The following R3HDM4 variants were observed in gnomAD, a reference collection of about 807,000 sequenced individuals.
R3HDM4 encodes R3H domain containing 4, also known as R3H domain-containing protein 4.
Under a neutral mutation model 31.3 loss-of-function variants are expected in R3HDM4, and 30 were observed. The observed-to-expected ratio is 0.96, with a 90% confidence interval of 0.72 to 1.30. R3HDM4 has a LOEUF of 1.30. Among genes scored for constraint, R3HDM4 ranks in the 50% most tolerant of loss-of-function variants. R3HDM4 has a pLI of 0.00. For missense variants in R3HDM4, 444 were observed against 366.1 expected, an observed-to-expected ratio of 1.21 and a Z score of -1.74; for synonymous variants, 196 against 156.6, an observed-to-expected ratio of 1.25 and a Z score of -1.88.
chr19:900,078 G>T lies in R3HDM4; in HGVS notation c.544C>A (p.Arg182Ser). 6.2e-7 allele frequency: 1 copy of T among 1,611,432 alleles called. No homozygotes were observed. The highest frequency in any genetic ancestry group is 8.5e-7 in the Non-Finnish European group (1 of 1,179,094). ...CCACTCACCATGGGGATGCGGCTGC[G>T]CTTGAGGACGGCTCGCAGACGCCGG... ...ISRRLRAVLKRSRIPMETLET... is the reference protein window; with the variant it reads ...ISRRLRAVLKSSRIPMETLET... The change falls in exon 5 of 8, where the codon CGC (arginine) becomes AGC (serine). Residue 182 changes from arginine (R) to serine (S), a missense_variant. By Grantham distance (110) the Arg-to-Ser change is moderately radical (BLOSUM62 -1). Coordinates refer to ENST00000361574, the MANE Select transcript of R3HDM4 (RefSeq NM_138774.4).
intron 7 of R3HDM4, among the ~76,000 whole-genome samples, chr19:898,686 C>G (rs1046560988): frequency 1.3e-5 from 2 of 152,078 alleles, no homozygotes; most frequent in Admixed American, 6.6e-5. Flanking sequence ...TGCCTGGGAC[C>G]CCCCCGTCCT....
rs772348731 is a variant in R3HDM4, at chr19:899,518, G to A, written c.648-23C>T. On this transcript the variant is annotated intron_variant, in intron 6 of 7. Coordinates refer to ENST00000361574, the MANE Select transcript of R3HDM4 (RefSeq NM_138774.4). This position sits in a 1 kb window ranked among gnomAD's most constrained non-coding sequence, Gnocchi z 6.8. ...AAGCTGTGGGGAACGGGCAGTGAGC[G>A]CCGTGCAGGGGCTGCAGCGTGGGGT... The A allele has an allele frequency of 1.1e-5, 17 of 1,613,310 alleles. No homozygotes were observed. The East Asian group carries it at 1.1e-4, about 11-fold the overall frequency.
intron 1 of R3HDM4, among the ~76,000 whole-genome samples, chr19:911,359 G>A (rs1014899965): frequency 2.6e-5 from 4 of 152,166 alleles, no homozygotes; most frequent in Non-Finnish European, 5.9e-5. Flanking sequence ...CAGGAGAATC[G>A]CTTGAACCCA....
chr19:913,102 C>A lies in R3HDM4; in HGVS notation c.56G>T (p.Gly19Val). The stretch of plus-strand genomic sequence containing the variant: ...CCGCGCTCACAGCAGCCGCCGCCCG[C>A]CCGGGGTGCCCTCCGCCGCCTCCGG... The part of the protein sequence containing the change: ...CGPEAAEGTP[G>V]GRRLLPLPSC... Residue 19 changes from glycine to valine, a missense_variant, in exon 1 of 8, where the codon GGC (glycine) becomes GTC (valine). By Grantham distance (109) the Gly-to-Val change is moderately radical. Transcript: ENST00000361574. The surrounding 1 kb of genome is among the most constrained non-coding windows in gnomAD (Gnocchi z 5.0). The A allele has an allele frequency of 9.3e-7, 1 of 1,079,174 alleles. No individual in the cohort carries two copies. 66.8% of individuals were successfully genotyped at this position (1,079,174 alleles called of 1,614,324 possible).
Position 899,554 on chromosome 19 carries a change from C to A in R3HDM4, c.647+47G>T. 1 of 1,612,398 alleles carries A rather than the reference C, an allele frequency of 6.2e-7. No individual in the cohort carries two copies. Reference sequence around the variant, plus strand: ...GCTGCAGCGTGGGGTGTCCGCCCACCTGGCCGCAGCCTCGGAGGGTCCGCT... The same window carrying A: ...GCTGCAGCGTGGGGTGTCCGCCCACATGGCCGCAGCCTCGGAGGGTCCGCT... On this transcript the variant is annotated intron_variant, in intron 6 of 7. Coordinates refer to ENST00000361574, the MANE Select transcript of R3HDM4 (RefSeq NM_138774.4). The surrounding 1 kb of genome is among the most constrained non-coding windows in gnomAD (Gnocchi z 6.8).
Position 899,354 on chromosome 19 carries a change from C to A in R3HDM4, c.703+86G>T. On this transcript the variant is annotated intron_variant, in intron 7 of 7. Transcript: ENST00000361574. The surrounding 1 kb of genome is among the most constrained non-coding windows in gnomAD (Gnocchi z 6.8). ...TTCCCCACCTCCCCACCAAGCCCCACTCTGAGGAACCAGGCCCCTGGGACC... is the reference window on the plus strand; with the variant it reads ...TTCCCCACCTCCCCACCAAGCCCCAATCTGAGGAACCAGGCCCCTGGGACC... 1 of 1,415,754 alleles carries A rather than the reference C, an allele frequency of 7.1e-7. No individual in the cohort carries two copies. The highest frequency in any genetic ancestry group is 1.0e-6 in the Non-Finnish European group (1 of 1,003,744). 87.7% of individuals were successfully genotyped at this position (1,415,754 alleles called of 1,614,324 possible). A position where few individuals can be genotyped will look rare whatever the true frequency, so the allele number is the denominator to read the frequency against.
chr19:902,040 T>C lies in R3HDM4; in HGVS notation c.162A>G (p.Ala54=), dbSNP rs1437094783. ...SRRKQHFINQ[A]VRNSDLVPKA... is the part of the protein sequence containing the mutation. Reference sequence around the variant, plus strand: ...TGGGCACGAGGTCTGAGTTCCGCACTGCCTGGTTGATGAAGTGCTGTTTCC... The same window carrying C: ...TGGGCACGAGGTCTGAGTTCCGCACCGCCTGGTTGATGAAGTGCTGTTTCC... The change falls in exon 2 of 8, where the codon GCA becomes GCG. Residue 54 remains alanine (A), a synonymous_variant. Transcript: ENST00000361574. The C allele has an allele frequency of 1.9e-6, 3 of 1,613,960 alleles. No individual in the cohort carries two copies. The highest frequency in any genetic ancestry group is 2.5e-6 in the Non-Finnish European group (3 of 1,180,012).
At chr19:898,912 G>T (rs539872034) in intron 7 of R3HDM4, among the ~76,000 whole-genome samples, 19 of 152,316 alleles carry the variant, frequency 1.2e-4, no homozygotes, top group African/African-American at 4.1e-4. Context: ...GGCAGAGACA[G>T]GTGTGAGAGG....
Position 900,917 on chromosome 19 carries a change from C to G in R3HDM4, c.387G>C (p.Glu129Asp). The G allele has an allele frequency of 6.2e-7, 1 of 1,609,348 alleles. No homozygotes were observed. Among genetic ancestry groups the G allele is most frequent in the Non-Finnish European group, 8.5e-7 (1 of 1,178,886 alleles). ...CCAGGTAGCGAAGAACCCGCTCCTG[C>G]TCCTCCCCGGAGCGGTTCATGAAAT... Reference protein sequence around the residue: ...WNDFMNRSGEEQERVLRYLED... With the variant: ...WNDFMNRSGEDQERVLRYLED... The change falls in exon 4 of 8, where the codon GAG (glutamate) becomes GAC (aspartate). Residue 129 changes from glutamate (E) to aspartate (D), a missense_variant. Transcript: ENST00000361574.
chr19:911,833 G>T (rs1218273221), intron 1 of R3HDM4, among the ~76,000 whole-genome samples: 3 of 152,042 alleles, frequency 2.0e-5, no homozygotes, highest in Non-Finnish European at 2.9e-5. Context: ...TGCTTGCCAG[G>T]TTTTAACCCA....
chr19:897,544 C>T lies in R3HDM4; in HGVS notation c.704-4G>A, dbSNP rs1242243978. 2 of 1,605,862 alleles carry T rather than the reference C, an allele frequency of 1.2e-6. No homozygotes were observed. The highest frequency in any genetic ancestry group is 4.5e-5 in the East Asian group (2 of 44,678). On this transcript the variant is annotated splice_polypyrimidine_tract_variant and splice_region_variant and intron_variant, in intron 7 of 7. Transcript: ENST00000361574. ...CGCTTCCCCTCCAGGTCAGCACCTG[C>T]AGACGGGACCAGCGGGGCAAGAACG...
intron 1 of R3HDM4, among the ~76,000 whole-genome samples, chr19:903,120 A>G (rs7508374): frequency 0.87 from 131,516 of 151,864 alleles, 58,271 homozygotes; most frequent in African/African-American, 0.97. Context: ...GGACGTGAAC[A>G]GCTTCCTTCA....
chr19:905,267 G>A (rs1419186594), intron 1 of R3HDM4, among the ~76,000 whole-genome samples: 3 of 151,872 alleles, frequency 2.0e-5, no homozygotes, highest in Non-Finnish European at 4.4e-5. Context: ...ACTTTGGGAA[G>A]CTGAGGATCT....
chr19:904,269 G>T (rs2036875884), intron 1 of R3HDM4, among the ~76,000 whole-genome samples: 2 of 152,142 alleles, frequency 1.3e-5, no homozygotes, highest in Admixed American at 1.3e-4. Flanking sequence ...TCCCGCCTCG[G>T]ACCTTCGCAC....
rs1350655972 is a variant in R3HDM4 at position 899,890 on chromosome 19, G to GC, written c.561+170dup. On this transcript the variant is annotated intron_variant, in intron 5 of 7. Coordinates refer to ENST00000361574, the MANE Select transcript of R3HDM4 (RefSeq NM_138774.4). This position sits in a 1 kb window ranked among gnomAD's most constrained non-coding sequence, Gnocchi z 6.8. ...AGGAAACTCCTACACACCCTGCAGT[G>GC]CCCGCCTTCGTTGCCCCCGCCCTCC... 1.3e-5 allele frequency among the ~76,000 whole-genome samples: 2 copies of GC among 152,124 alleles called. No individual in the cohort carries two copies. Among genetic ancestry groups the GC allele is most frequent in the Non-Finnish European group, 2.9e-5 (2 of 68,022 alleles).
rs565109821 is a variant in R3HDM4 at position 906,220 on chromosome 19, A to ATT, written c.72-4092_72-4091dup. Among the ~76,000 whole-genome samples, 506 of 101,426 alleles carry ATT rather than the reference A, an allele frequency of 5.0e-3. 8 individuals are homozygous for ATT. The highest frequency in any genetic ancestry group is 0.019 in the African/African-American group (486 of 25,028). 66.5% of individuals were successfully genotyped at this position (101,426 alleles called of 152,430 possible). On this transcript the variant is annotated intron_variant, in intron 1 of 7. Coordinates refer to ENST00000361574, the MANE Select transcript of R3HDM4 (RefSeq NM_138774.4). ...TTTATTTATTTTTAGTAGAGATGGG[A>ATT]TTTTTTTTTTTTTTTTTGAGACAGA...
At chr19:901,659 C>T (rs2036839151) in intron 2 of R3HDM4, 113 bp from the exon 3 acceptor site, 6 of 1,365,436 alleles carry the variant, frequency 4.4e-6, no homozygotes, top group Non-Finnish European at 5.9e-6. Context: ...CTCCGCACCT[C>T]CATGCTCCAA....
chr19:899,319 T>A lies in R3HDM4; in HGVS notation c.703+121A>T. 3.9e-6 allele frequency: 4 copies of A among 1,013,188 alleles called. No homozygotes were observed. Among genetic ancestry groups the A allele is most frequent in the Non-Finnish European group, 6.1e-6 (4 of 660,794 alleles). The allele number at this position is 1,013,188 out of a possible 1,614,324, so 62.8% of individuals were successfully genotyped here. A position where few individuals can be genotyped will look rare whatever the true frequency, so the allele number is the denominator to read the frequency against. ...ACCCCTGAGTTCGTAGCGTCCCCAC[T>A]CCAGCCCCCTTCCCCACCTCCCCAC... On this transcript the variant is annotated intron_variant, in intron 7 of 7. Coordinates refer to ENST00000361574, the MANE Select transcript of R3HDM4 (RefSeq NM_138774.4). This position sits in a 1 kb window ranked among gnomAD's most constrained non-coding sequence, Gnocchi z 6.8.
At chr19:901,032 G>A in intron 3 of R3HDM4, 80 bp from the exon 4 acceptor site, 1 of 1,474,038 alleles carries the variant, frequency 6.8e-7, no homozygotes, top group Non-Finnish European at 9.0e-7. Flanking sequence ...GGCACGGTAA[G>A]GCCGCCAAGC....
Sources: allele counts gnomAD v4.1 joint callset (sites outside exome capture counted in the v4.1 genomes callset), GRCh38; gene constraint gnomAD v4.1.1; non-coding constraint Gnocchi (gnomAD v3.1); transcripts MANE v1.5; gene names NCBI Gene and HGNC (gene_info 2026-07-23, HGNC 2026-07-21).